BMPR2: variants seen among roughly 807,000 people sequenced by gnomAD.
BMPR2 encodes bone morphogenetic protein receptor type 2, also known as bone morphogenetic protein receptor type-2.
In BMPR2, 29 loss-of-function variants were observed where a neutral mutation model predicts 100.8. The observed-to-expected ratio is 0.29, with a 90% CI of 0.21 to 0.39. The LOEUF is 0.39. Among genes scored for constraint, BMPR2 ranks in the 10% least tolerant of loss-of-function variants. The pLI, the probability that BMPR2 is intolerant of heterozygous loss-of-function variation, is 1.00. For synonymous variants in BMPR2, 382 were observed against 442.3 expected, an observed-to-expected ratio of 0.86 and a Z score of 1.71; for missense variants, 1,011 against 1,274.5, an observed-to-expected ratio of 0.79 and a Z score of 3.15.
rs749434491 is a variant in BMPR2, at chr2:202,555,426, T to G, written c.1761T>G (p.Ile587Met). The G allele has an allele frequency of 3.7e-6, 6 of 1,614,004 alleles. No individual in the cohort carries two copies. Among genetic ancestry groups the G allele is most frequent in the Non-Finnish European group, 5.1e-6 (6 of 1,180,032 alleles). Reference protein sequence around the residue: ...LTIGEKNRNSINYERQQAQAR... With the variant: ...LTIGEKNRNSMNYERQQAQAR... ...TAGGGGAAAAAAACCGAAATTCAAT[T>G]AACTATGAACGACAGCAAGCACAAG... Residue 587 changes from isoleucine (I) to methionine (M), a missense_variant, in exon 12 of 13, where the codon ATT (isoleucine) becomes ATG (methionine). Ile to Met is a conservative substitution (Grantham distance 10). Transcript: ENST00000374580.
intron 1 of BMPR2, among the ~76,000 whole-genome samples, chr2:202,408,794 G>T (rs139768779): frequency 7.0e-4 from 107 of 152,260 alleles, no homozygotes; most frequent in African/African-American, 2.5e-3. Flanking sequence ...CATTCCACTT[G>T]AACTATCTTG....
At chr2:202,420,537 A>ATATTTTTTTTTT (rs1201308485) in intron 1 of BMPR2, among the ~76,000 whole-genome samples, 1 of 58,980 alleles carries the variant, frequency 1.7e-5, no homozygotes, top group Admixed American at 2.4e-4. Context: ...TAGAAGCATG[A>ATATTTTTTTTTT]TTTTTTTTTT....
In BMPR2 at chr2:202,527,124, A is replaced by G. The variant is rs552005264; in HGVS notation, c.968-3670A>G. 1.3e-3 allele frequency among the ~76,000 whole-genome samples: 197 copies of G among 152,208 alleles called. 1 individual carries two copies. The highest frequency in any genetic ancestry group is 4.1e-3 in the Admixed American group (63 of 15,290). On this transcript the variant is annotated intron_variant, in intron 7 of 12. Transcript: ENST00000374580. Reference sequence around the variant, plus strand: ...GGTGATCCACCTGCCTCGACCTCCAAAAGAGCTGGGATTACAGGCATGAGC... The same window carrying G: ...GGTGATCCACCTGCCTCGACCTCCAGAAGAGCTGGGATTACAGGCATGAGC...
At chr2:202,424,672 G>T (rs888345199) in intron 1 of BMPR2, among the ~76,000 whole-genome samples, 1 of 152,052 alleles carries the variant, frequency 6.6e-6, no homozygotes. Flanking sequence ...CTCCAGCCTG[G>T]GCGACAGAGC....
chr2:202,476,021 C>A (rs1692542859), intron 3 of BMPR2, among the ~76,000 whole-genome samples: 1 of 146,476 alleles, frequency 6.8e-6, no homozygotes, highest in Admixed American at 7.1e-5. Context: ...TTGCAGTGAG[C>A]CAAGATTGCA....
rs940829650 is a variant in BMPR2, at chr2:202,556,097, G to A, written c.2432G>A (p.Gly811Asp). 6 of 1,614,160 alleles carry A rather than the reference G, an allele frequency of 3.7e-6. No homozygotes were observed. The highest frequency in any genetic ancestry group is 1.7e-5 in the Admixed American group (1 of 60,022). Residue 811 changes from glycine to aspartate, a missense_variant, in exon 12 of 13, where the codon GGT (glycine) becomes GAT (aspartate). Transcript: ENST00000374580. Reference protein sequence around the residue: ...VVTVTMNGVAGRNHSVNSHAA... With the variant: ...VVTVTMNGVADRNHSVNSHAA... The stretch of plus-strand genomic sequence containing the variant: ...ACAGTCACCATGAATGGTGTGGCAG[G>A]TAGAAACCACAGTGTTAACTCCCAT...
chr2:202,386,918 C>T lies in BMPR2; in HGVS notation c.76+9368C>T, dbSNP rs541017274. On this transcript the variant is annotated intron_variant, in intron 1 of 12. Transcript: ENST00000374580. ...CAGGATGGTCTCAATCTCCTGACCTCGTGATCTGCCCACCTCGGCCTCCCA... is the reference window on the plus strand; with the variant it reads ...CAGGATGGTCTCAATCTCCTGACCTTGTGATCTGCCCACCTCGGCCTCCCA... Among the ~76,000 whole-genome samples the T allele has an allele frequency of 2.0e-5, 3 of 152,212 alleles. No homozygotes were observed. The South Asian group carries it at 6.2e-4, about 32-fold the overall frequency.
rs527304901 is a variant in BMPR2, at chr2:202,495,022, G to A, written c.419-18697G>A. 2.0e-5 allele frequency among the ~76,000 whole-genome samples: 3 copies of A among 152,334 alleles called. No homozygotes were observed. The highest frequency in any genetic ancestry group is 7.2e-5 in the African/African-American group (3 of 41,578). ...AGGGGACCATACAGACAGGTAGGCTGTGGGGCTCCGACCTCACAACAGTGT... is the reference window on the plus strand; with the variant it reads ...AGGGGACCATACAGACAGGTAGGCTATGGGGCTCCGACCTCACAACAGTGT... On this transcript the variant is annotated intron_variant, in intron 3 of 12. Transcript: ENST00000374580. The surrounding 1 kb of genome is among the most constrained non-coding windows in gnomAD (Gnocchi z 4.5).
intron 1 of BMPR2, among the ~76,000 whole-genome samples, chr2:202,393,304 AT>A (rs1400705111): frequency 6.6e-6 from 1 of 152,096 alleles, no homozygotes; most frequent in African/African-American, 2.4e-5. Context: ...GAGACAAAAT[AT>A]TTTACTAAGT....
At chr2:202,445,968 GTT>G (rs1335286260) in intron 1 of BMPR2, among the ~76,000 whole-genome samples, 2 of 149,360 alleles carry the variant, frequency 1.3e-5, no homozygotes, top group Non-Finnish European at 2.9e-5. Context: ...TAGAGATGGG[GTT>G]TCACCGTGTT....
At chr2:202,553,270 A>G (rs1298990058) in intron 11 of BMPR2, among the ~76,000 whole-genome samples, 1 of 151,852 alleles carries the variant, frequency 6.6e-6, no homozygotes, top group Non-Finnish European at 1.5e-5. Flanking sequence ...TTTTAAGTAA[A>G]TGGAACTATG....
intron 10 of BMPR2, among the ~76,000 whole-genome samples, chr2:202,552,394 T>A (rs1210929281): frequency 6.6e-6 from 1 of 152,238 alleles, no homozygotes; most frequent in Non-Finnish European, 1.5e-5. Flanking sequence ...TGAAGCAGAA[T>A]TAGTGGCTAT....
At position 202,562,224 on chromosome 2, in the gene BMPR2, G is replaced by A. The variant is rs796604256; in HGVS notation, c.*2278G>A. On this transcript the variant is annotated 3_prime_UTR_variant, in exon 13 of 13. Transcript: ENST00000374580. ...TTTCCTGCCAGAAGAGTTATCTTAC[G>A]TTCTGCTATATTTGTATTTGGGCCA... 2.5e-4 allele frequency: 38 copies of A among 152,430 alleles called. 1 individual carries two copies. Among genetic ancestry groups the A allele is most frequent in the African/African-American group, 8.4e-4 (35 of 41,510 alleles). The allele number at this position is 152,430 out of a possible 1,614,324, so 9.4% of individuals were successfully genotyped here. A position where few individuals can be genotyped will look rare whatever the true frequency, so the allele number is the denominator to read the frequency against.
chr2:202,549,339 A>G (rs1688432478), intron 10 of BMPR2, among the ~76,000 whole-genome samples: 1 of 151,930 alleles, frequency 6.6e-6, no homozygotes, highest in South Asian at 2.1e-4. Flanking sequence ...TTGTCCATCC[A>G]CTCGTGATGG....
At chr2:202,541,091 G>A (rs528757801) in intron 9 of BMPR2, among the ~76,000 whole-genome samples, 2 of 152,252 alleles carry the variant, frequency 1.3e-5, no homozygotes, top group South Asian at 4.1e-4. Context: ...ATTAAATAGT[G>A]ATAAAATAGT....
intron 1 of BMPR2, among the ~76,000 whole-genome samples, chr2:202,458,097 T>G (rs569258328): frequency 1.6e-4 from 24 of 152,004 alleles, no homozygotes; most frequent in Admixed American, 1.6e-3. Context: ...ACATGGACAA[T>G]TCTGTATAGT....
rs1342404525 is a variant in BMPR2 at position 202,411,098 on chromosome 2, G to A, written c.76+33548G>A. Among the ~76,000 whole-genome samples the A allele has an allele frequency of 3.3e-5, 5 of 152,140 alleles. No homozygotes were observed. The East Asian group carries it at 7.7e-4, about 24-fold the overall frequency. Reference sequence around the variant, plus strand: ...CAACCAATGGATGCTAAAATTAGTGGGTGAAAGTGTGGTAAGAAACACGGT... The same window carrying A: ...CAACCAATGGATGCTAAAATTAGTGAGTGAAAGTGTGGTAAGAAACACGGT... On this transcript the variant is annotated intron_variant, in intron 1 of 12. Transcript: ENST00000374580.
At chr2:202,457,346 C>T (rs1307487213) in intron 1 of BMPR2, among the ~76,000 whole-genome samples, 1 of 150,518 alleles carries the variant, frequency 6.6e-6, no homozygotes, top group Non-Finnish European at 1.5e-5. Flanking sequence ...TTTTTGTGCT[C>T]AGCCTTAATA....
rs1484201043 is a variant in BMPR2 at position 202,377,286 on chromosome 2, G to A, written c.-189G>A. On this transcript the variant is annotated 5_prime_UTR_variant, in exon 1 of 13. Coordinates refer to ENST00000374580, the MANE Select transcript of BMPR2 (RefSeq NM_001204.7). ...CCCAGCCGCGAGGGAGAGAAATGAA[G>A]GGAATTTCTGCAGCGGCATGAAAGC... 1 of 662,112 alleles carries A rather than the reference G, an allele frequency of 1.5e-6. No individual in the cohort carries two copies. The highest frequency in any genetic ancestry group is 2.8e-6 in the Non-Finnish European group (1 of 363,444). 41.0% of individuals were successfully genotyped at this position (662,112 alleles called of 1,614,324 possible).
Sources: gnomAD v4.1 joint callset for allele counts (sites outside exome capture counted in the v4.1 genomes callset) on GRCh38, gnomAD v4.1.1 for gene constraint, Gnocchi (gnomAD v3.1) non-coding constraint, MANE v1.5 for transcripts, NCBI Gene and HGNC (gene_info 2026-07-23, HGNC 2026-07-21) for gene names.